The following ZNF577 variants were observed in gnomAD, a reference collection of about 807,000 sequenced individuals.
The protein encoded by ZNF577 is zinc finger protein 577.
A neutral mutation model predicts 13.9 loss-of-function variants in ZNF577; 14 were observed. The ratio of observed to expected loss-of-function variants is 1.00; its 90% CI spans 0.66 to 1.57. ZNF577 has a LOEUF of 1.57. Ranked by LOEUF, ZNF577 falls within the 40% of genes most tolerant of loss-of-function variation. The pLI, the probability that ZNF577 is intolerant of heterozygous loss-of-function variation, is 0.00. For missense variants in ZNF577, 555 were observed against 579.2 expected, an observed-to-expected ratio of 0.96 and a Z score of 0.43; for synonymous variants, 203 against 202.9, an observed-to-expected ratio of 1.00 and a Z score of 0.00.
chr19:51,838,833 T>C (rs2084303296), intron 9 of ZNF577, among the ~76,000 whole-genome samples: 1 of 151,936 alleles, frequency 6.6e-6, no homozygotes, highest in Admixed American at 6.6e-5. Flanking sequence ...CATGTAACAA[T>C]TTTTGTAATA....
chr19:51,815,246 G>A (rs956879341), intron 9 of ZNF577, among the ~76,000 whole-genome samples: 2 of 152,024 alleles, frequency 1.3e-5, no homozygotes, highest in Non-Finnish European at 2.9e-5. Flanking sequence ...AAGGGGAAGT[G>A]GGGACTGGAG....
intron 10 of ZNF577, among the ~76,000 whole-genome samples, chr19:51,807,941 T>C (rs2084071140): frequency 2.0e-5 from 3 of 152,376 alleles, no homozygotes; most frequent in African/African-American, 7.2e-5. Flanking sequence ...TTTGATTAGA[T>C]AGAAAGAACC....
chr19:51,813,075 C>T (rs968769788), intron 9 of ZNF577, among the ~76,000 whole-genome samples: 15 of 151,710 alleles, frequency 9.9e-5, no homozygotes, highest in Admixed American at 7.9e-4. Flanking sequence ...GCCGAGATCA[C>T]GCCACTGCAC....
Position 51,824,904 on chromosome 19 carries a change from C to T in ZNF577, c.*600-13230G>A, listed in dbSNP as rs1449422294. 4.3e-6 allele frequency: 4 copies of T among 940,976 alleles called. No individual in the cohort carries two copies. The highest frequency in any genetic ancestry group is 5.3e-5 in the East Asian group (2 of 37,976). 58.3% of individuals were successfully genotyped at this position (940,976 alleles called of 1,614,324 possible). On this transcript the variant is annotated intron_variant and NMD_transcript_variant, in intron 9 of 10. Transcript: ENST00000638827. This position sits in a 1 kb window ranked among gnomAD's most constrained non-coding sequence, Gnocchi z 4.7. ...TGTTTTTCTTCCTCTTTCATACCAC[C>T]ACCACCACAATCATCAACATAAAGG...
At chr19:51,851,222 C>G (rs2084377293) in intron 5 of ZNF577, among the ~76,000 whole-genome samples, 1 of 152,138 alleles carries the variant, frequency 6.6e-6, no homozygotes, top group African/African-American at 2.4e-5. Context: ...TCAGATACCC[C>G]ATCTTATTAC....
At chr19:51,874,500 A>C (rs984099757) in intron 5 of ZNF577, among the ~76,000 whole-genome samples, 11 of 151,954 alleles carry the variant, frequency 7.2e-5, no homozygotes, top group Non-Finnish European at 8.8e-5. Flanking sequence ...AAAAAAAAAA[A>C]TGTAAGAGAA....
downstream of ZNF577, among the ~76,000 whole-genome samples, chr19:51,804,536 CA>C (rs980298540): frequency 2.0e-5 from 3 of 151,608 alleles, no homozygotes; most frequent in African/African-American, 7.3e-5. Context: ...ATTTTTATAC[CA>C]AAAAAATTAT....
intron 9 of ZNF577, among the ~76,000 whole-genome samples, chr19:51,822,422 G>C (rs1343754107): frequency 6.6e-6 from 1 of 152,166 alleles, no homozygotes; most frequent in East Asian, 1.9e-4. Context: ...GAGAAGAAAT[G>C]AGGAACAGTT....
chr19:51,834,690 AT>A (rs72308797), intron 9 of ZNF577, among the ~76,000 whole-genome samples: 58,035 of 150,062 alleles, frequency 0.39, 11,278 homozygotes, highest in South Asian at 0.49. Flanking sequence ...TGTGCACACG[AT>A]TTTTTTTTTT....
intron 9 of ZNF577, among the ~76,000 whole-genome samples, chr19:51,830,978 A>G (rs1347734149): frequency 1.3e-5 from 2 of 152,184 alleles, no homozygotes; most frequent in Non-Finnish European, 2.9e-5. Context: ...GGCATCATCA[A>G]AGTAAAACTA....
intron 5 of ZNF577, among the ~76,000 whole-genome samples, chr19:51,855,200 G>A (rs1471616106): frequency 1.3e-5 from 2 of 152,108 alleles, no homozygotes; most frequent in African/African-American, 4.8e-5. Flanking sequence ...TCTCTCCCCA[G>A]GGTTTATTGT....
At chr19:51,839,082 CA>C (rs535015674) in intron 9 of ZNF577, among the ~76,000 whole-genome samples, 80 of 152,258 alleles carry the variant, frequency 5.3e-4, no homozygotes, top group South Asian at 2.5e-3. Flanking sequence ...CAATAATCTT[CA>C]AAAGAAATTT....
chr19:51,812,302 G>A (rs2084102845), intron 9 of ZNF577, among the ~76,000 whole-genome samples: 1 of 152,254 alleles, frequency 6.6e-6, no homozygotes, highest in Non-Finnish European at 1.5e-5. Flanking sequence ...ATAAAAGGGT[G>A]ACTATCCACA....
At chr19:51,818,149 T>G (rs971706354) in intron 9 of ZNF577, among the ~76,000 whole-genome samples, 2 of 152,234 alleles carry the variant, frequency 1.3e-5, no homozygotes, top group African/African-American at 2.4e-5. Flanking sequence ...TTTTCTCATT[T>G]AACCTTAAGT....
At chr19:51,862,654 T>C (rs1276299579), downstream of ZNF577, 1 of 152,230 alleles carries the variant, frequency 6.6e-6, no homozygotes, top group African/African-American at 2.4e-5. Context: ...TCCATAGAAT[T>C]TTCCTTTTCT....
At chr19:51,807,379 TGA>T (rs1288813019) in intron 10 of ZNF577, among the ~76,000 whole-genome samples, 3 of 152,178 alleles carry the variant, frequency 2.0e-5, no homozygotes, top group Non-Finnish European at 4.4e-5. Context: ...CAGCGCAGTG[TGA>T]GTTTGCCACA....
intron 9 of ZNF577, among the ~76,000 whole-genome samples, chr19:51,834,933 C>T (rs2084280837): frequency 6.6e-6 from 1 of 152,180 alleles, no homozygotes; most frequent in African/African-American, 2.4e-5. Context: ...AATCATCCAA[C>T]CTGAGCCTCC....
chr19:51,883,428 T>C (rs1246107217), intron 1 of ZNF577, among the ~76,000 whole-genome samples: 1 of 152,122 alleles, frequency 6.6e-6, no homozygotes, highest in Non-Finnish European at 1.5e-5. Context: ...CCCAGCCTCA[T>C]GGTATAGTTT....
intron 1 of ZNF577, among the ~76,000 whole-genome samples, chr19:51,885,296 T>C (rs960540000): frequency 1.2e-4 from 18 of 152,212 alleles, no homozygotes; most frequent in African/African-American, 4.3e-4. Context: ...CAAGACCATT[T>C]AGCCGGCAGA....
Sources: gnomAD v4.1 joint callset for allele counts (sites outside exome capture counted in the v4.1 genomes callset) on GRCh38, gnomAD v4.1.1 for gene constraint, Gnocchi (gnomAD v3.1) non-coding constraint, MANE v1.5 for transcripts, NCBI Gene and HGNC (gene_info 2026-07-23, HGNC 2026-07-21) for gene names.